The following CA10 variants were observed in gnomAD, a reference collection of about 807,000 sequenced individuals.
CA10 encodes the protein carbonic anhydrase-related protein 10.
In CA10, 14 loss-of-function variants were observed where a neutral mutation model predicts 44.2. The ratio of observed to expected loss-of-function variants is 0.32; its 90% CI spans 0.21 to 0.50. The LOEUF (loss-of-function observed/expected upper bound fraction) is 0.50. CA10 is among the 20% of genes least tolerant of loss of function. The probability of loss-of-function intolerance (pLI) is 0.99; values close to 1 mark genes in which losing one functional copy is unlikely to be tolerated. For synonymous variants in CA10, 159 were observed against 141.6 expected (o/e 1.12, Z -0.87); for missense variants, 350 against 409.7 (o/e 0.85, Z 1.26).
chr17:52,079,202 C>T (rs921135940), intron 1 of CA10, among the ~76,000 whole-genome samples: 1 of 152,030 alleles, frequency 6.6e-6, no homozygotes, highest in South Asian at 2.1e-4. Context: ...AGGAGAATGG[C>T]GTGAACCGGG....
At chr17:51,647,564 TG>T (rs1381012452) in intron 6 of CA10, among the ~76,000 whole-genome samples, 2 of 151,838 alleles carry the variant, frequency 1.3e-5, no homozygotes, top group African/African-American at 4.8e-5. Flanking sequence ...GGATGGGTGG[TG>T]GGGTGGGGAG....
chr17:51,911,333 C>T (rs1171216215), intron 3 of CA10, among the ~76,000 whole-genome samples: 1 of 152,140 alleles, frequency 6.6e-6, no homozygotes, highest in Admixed American at 6.5e-5. Flanking sequence ...AACTTACTAA[C>T]ACCCTGCCTT....
chr17:51,813,577 TC>T (rs1389139383), intron 3 of CA10, among the ~76,000 whole-genome samples: 2 of 152,232 alleles, frequency 1.3e-5, no homozygotes, highest in African/African-American at 4.8e-5. Flanking sequence ...TTTGCATGTT[TC>T]ACCTGAAGGT....
intron 3 of CA10, among the ~76,000 whole-genome samples, chr17:51,810,127 C>T (rs1028229944): frequency 2.0e-5 from 3 of 152,096 alleles, no homozygotes; most frequent in Admixed American, 6.6e-5. Context: ...CCCATAGACC[C>T]CAATCTTAAA....
intron 3 of CA10, among the ~76,000 whole-genome samples, chr17:51,890,917 G>A (rs1390481566): frequency 6.6e-6 from 1 of 152,142 alleles, no homozygotes; most frequent in Non-Finnish European, 1.5e-5. Context: ...ACAGCAGACA[G>A]CCCGGAAAGA....
intron 4 of CA10, among the ~76,000 whole-genome samples, chr17:51,695,619 G>A (rs1915376575): frequency 6.6e-6 from 1 of 152,168 alleles, no homozygotes; most frequent in South Asian, 2.1e-4. Flanking sequence ...AAGAGAGATA[G>A]TTTGACTCCT....
intron 3 of CA10, among the ~76,000 whole-genome samples, chr17:51,756,637 CT>C (rs959576445): frequency 6.1e-4 from 89 of 146,112 alleles, no homozygotes; most frequent in African/African-American, 6.5e-4. Flanking sequence ...GCCTGGCTAA[CT>C]TTTTTTTTTT....
In CA10 at chr17:51,633,458, C is replaced by G; in HGVS notation, c.964+18G>C. The G allele has an allele frequency of 1.2e-6, 2 of 1,606,886 alleles. No homozygotes were observed. Among genetic ancestry groups the G allele is most frequent in the Non-Finnish European group, 8.5e-7 (1 of 1,175,714 alleles). ...AGCTCTAGCCTAGATCCTCCACTCT[C>G]TGAGCCACCAAACCCACCTCTATAC... On this transcript the variant is annotated intron_variant, in intron 8 of 8. Coordinates refer to ENST00000451037, the MANE Select transcript of CA10 (RefSeq NM_020178.5).
At chr17:51,743,043 C>T (rs964124338) in intron 4 of CA10, among the ~76,000 whole-genome samples, 1 of 152,216 alleles carries the variant, frequency 6.6e-6, no homozygotes, top group Non-Finnish European at 1.5e-5. Context: ...ATGCCTAGCT[C>T]GGAGCCCACC....
chr17:51,854,142 C>T (rs186663024), intron 3 of CA10, among the ~76,000 whole-genome samples: 21 of 152,296 alleles, frequency 1.4e-4, no homozygotes, highest in Admixed American at 9.8e-4. Context: ...AGGGAATGAT[C>T]AGCCAGTTGG....
chr17:51,949,441 A>T (rs1437413661), intron 2 of CA10, among the ~76,000 whole-genome samples: 1 of 152,168 alleles, frequency 6.6e-6, no homozygotes, highest in Admixed American at 6.6e-5. Flanking sequence ...CCTTCAATCA[A>T]GCCATAAGTA....
In CA10 at chr17:51,910,013, T is replaced by A. The variant is rs761461839; in HGVS notation, c.279+20977A>T. ...CCCTGCACTGCTTGCTTAATCTATC[T>A]GCTCCTCCTCTTATCGTCATCGTTT... On this transcript the variant is annotated intron_variant, in intron 3 of 8. Transcript: ENST00000451037. Among the ~76,000 whole-genome samples the A allele has an allele frequency of 6.6e-4, 100 of 152,252 alleles. 1 individual carries two copies. The highest frequency in any genetic ancestry group is 1.2e-3 in the Non-Finnish European group (84 of 68,006).
chr17:51,893,657 A>G (rs1298721669), intron 3 of CA10, among the ~76,000 whole-genome samples: 1 of 152,168 alleles, frequency 6.6e-6, no homozygotes, highest in Non-Finnish European at 1.5e-5. Context: ...CTAAAGTGCA[A>G]AATTGAATTG....
chr17:51,828,416 T>C (rs933632087), intron 3 of CA10, among the ~76,000 whole-genome samples: 3 of 152,230 alleles, frequency 2.0e-5, no homozygotes, highest in African/African-American at 7.2e-5. Flanking sequence ...TTTCTCTGCA[T>C]ACATGTTGAT....
At chr17:51,975,761 G>A (rs948163935) in intron 2 of CA10, among the ~76,000 whole-genome samples, 1 of 151,216 alleles carries the variant, frequency 6.6e-6, no homozygotes, top group Non-Finnish European at 1.5e-5. Context: ...TACTGAGGAG[G>A]CTAAGGCACT....
chr17:51,980,904 G>A (rs2144087027), intron 2 of CA10, among the ~76,000 whole-genome samples: 1 of 152,130 alleles, frequency 6.6e-6, no homozygotes, highest in Admixed American at 6.6e-5. Context: ...TTTACAACTA[G>A]ACAACATGCA....
At chr17:51,998,077 G>A (rs568245304) in intron 2 of CA10, among the ~76,000 whole-genome samples, 3 of 152,174 alleles carry the variant, frequency 2.0e-5, no homozygotes, top group East Asian at 1.9e-4. Context: ...AAGATAGGTC[G>A]CCCTGGACCC....
chr17:51,931,234 C>T (rs1982646761), intron 2 of CA10, 102 bp from the exon 3 acceptor site: 8 of 1,154,652 alleles, frequency 6.9e-6, no homozygotes, highest in Non-Finnish European at 1.0e-5. Context: ...GGAAGAGAAC[C>T]ACCAAATGTT....
chr17:51,790,927 A>G (rs1567840733), intron 3 of CA10, among the ~76,000 whole-genome samples: 1 of 152,242 alleles, frequency 6.6e-6, no homozygotes, highest in Non-Finnish European at 1.5e-5. Flanking sequence ...CTTGCATGGA[A>G]GCAGCACAGT....
Sources: allele counts gnomAD v4.1 joint callset (sites outside exome capture counted in the v4.1 genomes callset), GRCh38; gene constraint gnomAD v4.1.1; transcripts MANE v1.5; gene names NCBI Gene and HGNC (gene_info 2026-07-23, HGNC 2026-07-21).